FMN1: variants seen among roughly 807,000 people sequenced by gnomAD.
The protein encoded by FMN1 is formin-1.
FMN1 carries 110 observed loss-of-function variants against 132.4 expected under a neutral mutation model. The ratio of observed to expected loss-of-function variants is 0.83; its 90% confidence interval spans 0.71 to 0.97. The LOEUF (loss-of-function observed/expected upper bound fraction) is 0.97, where lower values mean the gene tolerates loss of function less well. Ranked by LOEUF, FMN1 falls within the 50% of genes least tolerant of loss-of-function variation. The probability of loss-of-function intolerance (pLI) is 0.00; values close to 1 mark genes in which losing one functional copy is unlikely to be tolerated. For synonymous variants in FMN1, 722 were observed against 651.7 expected, an observed-to-expected ratio of 1.11 and a Z score of -1.64; for missense variants, 1,792 against 1,705.3, an observed-to-expected ratio of 1.05 and a Z score of -0.90.
At position 32,801,580 on chromosome 15, in the gene FMN1, C is replaced by T. The variant is rs137969213; in HGVS notation, c.3981-2627G>A. ...AGGAGATCGAGACCATCCTGGCTAACATGCTGAAACCCCATCTCTACTAAA... is the reference window on the plus strand; with the variant it reads ...AGGAGATCGAGACCATCCTGGCTAATATGCTGAAACCCCATCTCTACTAAA... On this transcript the variant is annotated intron_variant, in intron 18 of 20. Coordinates refer to ENST00000616417, the MANE Select transcript of FMN1 (RefSeq NM_001277313.2). Among the ~76,000 whole-genome samples, 989 of 152,210 alleles carry T rather than the reference C, an allele frequency of 6.5e-3. 1 individual carries two copies. The highest frequency in any genetic ancestry group is 0.011 in the Non-Finnish European group (756 of 68,018).
At position 32,776,892 on chromosome 15, in the gene FMN1, G is replaced by C; in HGVS notation, c.4158C>G (p.Ser1386Arg). ...ERLKMAQESV[S>R]KLTSEKKVET... ...CCACTTTCTTCTCTGAAGTCAACTT[G>C]CTGACTGATTCCTGAGCCATTTTCA... Residue 1386 changes from serine (S) to arginine (R), a missense_variant, in exon 20 of 21, where the codon AGC becomes AGG. Physicochemically the swap from Ser to Arg is moderately radical, Grantham distance 110. This residue lies in a region of FMN1 where 1,150 missense variants were observed against 1,043.1 expected (regional missense o/e 1.10). Transcript: ENST00000616417. 2 of 1,595,058 alleles carry C rather than the reference G, an allele frequency of 1.3e-6. No homozygotes were observed. Among genetic ancestry groups the C allele is most frequent in the East Asian group, 2.2e-5 (1 of 44,618 alleles).
At chr15:32,905,432 T>G (rs2060399732) in intron 12 of FMN1, among the ~76,000 whole-genome samples, 1 of 152,142 alleles carries the variant, frequency 6.6e-6, no homozygotes, top group Non-Finnish European at 1.5e-5. Flanking sequence ...CACAATAGAC[T>G]GTGTATAGTG....
intron 4 of FMN1, chr15:33,151,386 C>T (rs1360343102): frequency 3.3e-6 from 5 of 1,536,452 alleles, no homozygotes; most frequent in East Asian, 4.9e-5. Flanking sequence ...AAGGCTGAGG[C>T]CAAAGTAAAG....
chr15:32,956,824 T>A (rs139013223), intron 9 of FMN1, among the ~76,000 whole-genome samples: 2 of 152,168 alleles, frequency 1.3e-5, no homozygotes, highest in African/African-American at 4.8e-5. Context: ...TGGAAAGCAA[T>A]AGGTTATGAA....
chr15:32,973,426 G>A (rs2031946187), intron 7 of FMN1, among the ~76,000 whole-genome samples: 1 of 152,140 alleles, frequency 6.6e-6, no homozygotes, highest in South Asian at 2.1e-4. Context: ...CTCCATGAAT[G>A]GGTTCCTCAC....
At chr15:33,155,834 G>A (rs1964650490) in intron 3 of FMN1, among the ~76,000 whole-genome samples, 1 of 152,110 alleles carries the variant, frequency 6.6e-6, no homozygotes, top group Non-Finnish European at 1.5e-5. Context: ...CATAATTAGT[G>A]AAGGTGGCTG....
At chr15:33,019,520 C>G (rs969245286) in intron 6 of FMN1, among the ~76,000 whole-genome samples, 3 of 152,202 alleles carry the variant, frequency 2.0e-5, no homozygotes, top group Non-Finnish European at 4.4e-5. Flanking sequence ...GACCGGGCGC[C>G]CTGGAGTAGG....
At chr15:33,015,821 G>C (rs1486177593) in intron 6 of FMN1, among the ~76,000 whole-genome samples, 1 of 152,126 alleles carries the variant, frequency 6.6e-6, no homozygotes, top group Non-Finnish European at 1.5e-5. Context: ...TTTTTATTTT[G>C]ACAGTTAAAT....
At chr15:32,903,694 CTGAA>C (rs761292015) in intron 12 of FMN1, among the ~76,000 whole-genome samples, 1 of 152,174 alleles carries the variant, frequency 6.6e-6, no homozygotes, top group Non-Finnish European at 1.5e-5. Flanking sequence ...GCAGAAAATG[CTGAA>C]TGAATAGTTA....
chr15:32,990,292 A>G (rs576197475), intron 7 of FMN1, among the ~76,000 whole-genome samples: 2 of 152,260 alleles, frequency 1.3e-5, no homozygotes, highest in East Asian at 3.9e-4. Context: ...GGCAGCAAAG[A>G]AGATAGAGAA....
At chr15:32,976,018 G>A (rs1026439272) in intron 7 of FMN1, among the ~76,000 whole-genome samples, 4 of 152,078 alleles carry the variant, frequency 2.6e-5, no homozygotes, top group Admixed American at 6.6e-5. Flanking sequence ...GTGGAAAAGC[G>A]CCTACTGATG....
At chr15:32,797,538 G>C (rs1157704351) in intron 19 of FMN1, among the ~76,000 whole-genome samples, 1 of 152,166 alleles carries the variant, frequency 6.6e-6, no homozygotes, top group Non-Finnish European at 1.5e-5. Flanking sequence ...TGGGTGCCAA[G>C]ATTTTTAGGA....
intron 7 of FMN1, among the ~76,000 whole-genome samples, chr15:32,990,738 C>T (rs770303555): frequency 6.6e-6 from 1 of 152,136 alleles, no homozygotes; most frequent in Non-Finnish European, 1.5e-5. Flanking sequence ...GTTACACATG[C>T]CTGTGGAGGC....
chr15:33,062,163 T>C (rs2037514084), intron 6 of FMN1, among the ~76,000 whole-genome samples: 1 of 152,158 alleles, frequency 6.6e-6, no homozygotes. Flanking sequence ...TATGGTAATA[T>C]ACATCAGAAA....
intron 4 of FMN1, among the ~76,000 whole-genome samples, chr15:33,124,646 G>C (rs529810468): frequency 1.3e-5 from 2 of 152,058 alleles, no homozygotes; most frequent in African/African-American, 4.8e-5. Flanking sequence ...CTAATAATCT[G>C]TGTTCTTTTC....
At chr15:33,077,619 G>GT (rs1363750951) in intron 5 of FMN1, among the ~76,000 whole-genome samples, 1 of 151,516 alleles carries the variant, frequency 6.6e-6, no homozygotes, top group Non-Finnish European at 1.5e-5. Flanking sequence ...GCAGTGTTTG[G>GT]TTTTTTTCTC....
intron 16 of FMN1, among the ~76,000 whole-genome samples, chr15:32,880,788 T>C (rs550563328): frequency 6.6e-6 from 1 of 152,342 alleles, no homozygotes; most frequent in South Asian, 2.1e-4. Flanking sequence ...TCTGAAGTCA[T>C]TCTGTTTCCT....
At chr15:33,042,017 A>T (rs1306134522) in intron 6 of FMN1, among the ~76,000 whole-genome samples, 9 of 148,048 alleles carry the variant, frequency 6.1e-5, no homozygotes, top group Non-Finnish European at 1.4e-4. Flanking sequence ...TAAAACATAA[A>T]TTGTCATGAT....
At chr15:33,150,885 G>A (rs903377009) in intron 4 of FMN1, 1 of 1,007,802 alleles carries the variant, frequency 9.9e-7, no homozygotes, top group Middle Eastern at 5.1e-4. Context: ...AAGGGACACT[G>A]TAGTGTGATG....
Sources: allele counts gnomAD v4.1 joint callset (sites outside exome capture counted in the v4.1 genomes callset), GRCh38; gene constraint gnomAD v4.1.1; regional missense constraint gnomAD v4.1.1; transcripts MANE v1.5; gene names NCBI Gene and HGNC (gene_info 2026-07-23, HGNC 2026-07-21).